OOEP: variants seen among roughly 807,000 people sequenced by gnomAD.
OOEP encodes the protein oocyte expressed protein.
Under a neutral mutation model 13.7 loss-of-function variants are expected in OOEP, and 16 were observed. The observed-to-expected ratio is 1.16, with a 90% CI of 0.79 to 1.77. OOEP has a LOEUF of 1.77. Among genes scored for constraint, OOEP ranks in the 40% most tolerant of loss-of-function variants. OOEP has a pLI of 0.00. For missense variants in OOEP, 195 were observed against 193.1 expected, an observed-to-expected ratio of 1.01 and a Z score of -0.06; for synonymous variants, 89 against 77.1, an observed-to-expected ratio of 1.15 and a Z score of -0.81.
At chr6:73,382,831 T>C (rs1769227681) in intron 2 of OOEP, among the ~76,000 whole-genome samples, 1 of 150,604 alleles carries the variant, frequency 6.6e-6, no homozygotes. Flanking sequence ...GGTGAGCCAA[T>C]ATGCTCAGTG....
At chr6:73,381,822 A>T (rs1452029292) in intron 2 of OOEP, among the ~76,000 whole-genome samples, 1 of 152,092 alleles carries the variant, frequency 6.6e-6, no homozygotes, top group Non-Finnish European at 1.5e-5. Context: ...TCTACTAAAA[A>T]GGCAAAAATT....
At chr6:73,372,155 C>G (rs528366667), upstream of OOEP, among the ~76,000 whole-genome samples, 1 of 152,152 alleles carries the variant, frequency 6.6e-6, no homozygotes, top group Non-Finnish European at 1.5e-5. Flanking sequence ...GACGCACTTA[C>G]ATTACTGTAG....
intron 2 of OOEP, among the ~76,000 whole-genome samples, chr6:73,382,850 C>CTT (rs765716551): frequency 0.022 from 2,273 of 102,204 alleles, 62 homozygotes; most frequent in African/African-American, 0.028. Context: ...TGGTTTTTAA[C>CTT]TTTTTTTTTT....
upstream of OOEP, among the ~76,000 whole-genome samples, chr6:73,371,944 C>A (rs1338856217): frequency 6.6e-6 from 1 of 151,554 alleles, no homozygotes; most frequent in African/African-American, 2.4e-5. Flanking sequence ...CAAACAAAAA[C>A]CCCTTAACCT....
intron 2 of OOEP, among the ~76,000 whole-genome samples, chr6:73,387,206 T>C (rs1183804386): frequency 1.3e-5 from 2 of 151,640 alleles, no homozygotes; most frequent in Non-Finnish European, 2.9e-5. Flanking sequence ...ACTTTGGAAG[T>C]ATTAAGAAAG....
At chr6:73,375,624 T>C (rs960936300) in intron 2 of OOEP, among the ~76,000 whole-genome samples, 3 of 148,424 alleles carry the variant, frequency 2.0e-5, no homozygotes, top group African/African-American at 7.3e-5. Context: ...ATATATTATA[T>C]ACAGTATATA....
chr6:73,382,489 T>C (rs1341082922), intron 2 of OOEP, among the ~76,000 whole-genome samples: 3 of 151,690 alleles, frequency 2.0e-5, no homozygotes, highest in African/African-American at 7.3e-5. Flanking sequence ...GTGCTGGGAT[T>C]ATAAGCATGA....
At chr6:73,392,617 ATCTTTT>A (rs1769362658) in intron 2 of OOEP, among the ~76,000 whole-genome samples, 2 of 100,040 alleles carry the variant, frequency 2.0e-5, no homozygotes, top group South Asian at 3.6e-4. Context: ...TTCCTAGGTA[ATCTTTT>A]TTTTTTTTTT....
rs749160038 is a variant in OOEP, at chr6:73,378,870, GA to G, written c.26-9486del. 3.0e-3 allele frequency among the ~76,000 whole-genome samples: 399 copies of G among 132,082 alleles called. 3 individuals are homozygous for G. The highest frequency in any genetic ancestry group is 9.4e-3 in the African/African-American group (332 of 35,384). 86.7% of individuals were successfully genotyped at this position (132,082 alleles called of 152,430 possible). A position where few individuals can be genotyped will look rare whatever the true frequency, so the allele number is the denominator to read the frequency against. ...GCAACAGAGCCAGATACTGTCTCCA[GA>G]AAAAAAAAAAAAATTATTGATTACC... is the stretch of plus-strand genomic sequence containing the variant. On this transcript the variant is annotated intron_variant, in intron 2 of 3. Coordinates refer to the OOEP transcript ENST00000370363.
At chr6:73,371,070 T>C (rs1262059001), upstream of OOEP, among the ~76,000 whole-genome samples, 1 of 152,118 alleles carries the variant, frequency 6.6e-6, no homozygotes, top group Non-Finnish European at 1.5e-5. Context: ...CCTCCCAAAG[T>C]GCTGGGATTA....
intron 2 of OOEP, among the ~76,000 whole-genome samples, chr6:73,384,761 G>C (rs548115297): frequency 4.0e-5 from 6 of 150,898 alleles, no homozygotes; most frequent in African/African-American, 1.5e-4. Context: ...TTTTGAGATG[G>C]AGTCTTGCTC....
chr6:73,375,581 CAT>C (rs1284526376), intron 2 of OOEP, among the ~76,000 whole-genome samples: 1 of 145,342 alleles, frequency 6.9e-6, no homozygotes, highest in Admixed American at 6.9e-5. Flanking sequence ...ATATATAAAA[CAT>C]ATATATGCTT....
chr6:73,394,660 T>A, intron 1 of OOEP: 1 of 581,772 alleles, frequency 1.7e-6, no homozygotes, highest in Non-Finnish European at 3.0e-6. Flanking sequence ...CAAGGCACAC[T>A]CCCACGGTTC....
Position 73,369,694 on chromosome 6 carries a change from C to A in OOEP, c.99G>T (p.Gln33His), listed in dbSNP as rs766461247. ...QLRRLPLPPP[Q>H]IRIRPWWFPV... is the part of the protein sequence containing the mutation. ...GAAACCACCAGGGCCGGATGCGAATCTGTGGCGGCGGAAGTGGTAACCTAC... is the reference window on the plus strand; with the variant it reads ...GAAACCACCAGGGCCGGATGCGAATATGTGGCGGCGGAAGTGGTAACCTAC... The change falls in exon 1 of 3, where the codon CAG becomes CAT. Residue 33 changes from glutamine to histidine, a missense_variant. Transcript: ENST00000370359. 1 of 1,614,048 alleles carries A rather than the reference C, an allele frequency of 6.2e-7. No individual in the cohort carries two copies. Among genetic ancestry groups the A allele is most frequent in the South Asian group, 1.1e-5 (1 of 91,092 alleles).
chr6:73,380,068 C>T (rs1337315924), intron 2 of OOEP, among the ~76,000 whole-genome samples: 3 of 152,096 alleles, frequency 2.0e-5, no homozygotes, highest in African/African-American at 2.4e-5. Context: ...TGTAACATCA[C>T]TCATTAGTCG....
chr6:73,369,906 C>T (rs992255507), upstream of OOEP: 4 of 977,778 alleles, frequency 4.1e-6, no homozygotes, highest in Non-Finnish European at 6.1e-6. Flanking sequence ...CCGCCCCTTC[C>T]GGCGGCGCCT....
intron 2 of OOEP, among the ~76,000 whole-genome samples, chr6:73,376,930 G>C (rs1769147019): frequency 6.6e-6 from 1 of 152,168 alleles, no homozygotes; most frequent in Non-Finnish European, 1.5e-5. Context: ...GAGATTACAG[G>C]CGTGAGCCAC....
chr6:73,386,649 C>T (rs753612147), intron 2 of OOEP, among the ~76,000 whole-genome samples: 8 of 151,934 alleles, frequency 5.3e-5, no homozygotes, highest in African/African-American at 1.5e-4. Flanking sequence ...CCTTACCTCA[C>T]GACATACACA....
intron 2 of OOEP, among the ~76,000 whole-genome samples, chr6:73,385,966 G>T (rs1027882096): frequency 2.6e-5 from 4 of 152,120 alleles, no homozygotes; most frequent in African/African-American, 2.4e-5. Flanking sequence ...TCCCCTGAAA[G>T]ATCAGGAAGA....
Sources: allele counts gnomAD v4.1 joint callset (sites outside exome capture counted in the v4.1 genomes callset), GRCh38; gene constraint gnomAD v4.1.1; transcripts MANE v1.5; gene names NCBI Gene and HGNC (gene_info 2026-07-23, HGNC 2026-07-21).